Variants in MSRA observed in about 807,000 individuals in gnomAD.
MSRA encodes mitochondrial peptide methionine sulfoxide reductase.
In MSRA, 54 loss-of-function variants were observed where a neutral mutation model predicts 31.3. The observed-to-expected ratio is 1.73, with a 90% CI of 1.39 to 2.17. The LOEUF is 2.17. Ranked by LOEUF, MSRA falls within the 30% of genes most tolerant of loss-of-function variation. The pLI is 0.00. For synonymous variants in MSRA, 169 were observed against 116.5 expected (o/e 1.45, Z -2.90); for missense variants, 507 against 300.9 (o/e 1.69, Z -5.07).
rs566641393 is a variant in MSRA at position 10,288,394 on chromosome 8, A to G, written c.332-13140A>G. 9.8e-5 allele frequency among the ~76,000 whole-genome samples: 15 copies of G among 152,350 alleles called. No individual in the cohort carries two copies. The South Asian group carries it at 2.9e-3, about 29-fold the overall frequency. On this transcript the variant is annotated intron_variant, in intron 3 of 5. Coordinates refer to ENST00000317173, the MANE Select transcript of MSRA (RefSeq NM_012331.5). ...GTGACACCACCCTTATTGAGAAATCATAATTTATAGAATCAGGTGGTTTGG... is the reference window on the plus strand; with the variant it reads ...GTGACACCACCCTTATTGAGAAATCGTAATTTATAGAATCAGGTGGTTTGG...
chr8:10,227,708 T>C (rs1811117813), intron 2 of MSRA, among the ~76,000 whole-genome samples: 1 of 152,170 alleles, frequency 6.6e-6, no homozygotes, highest in African/African-American at 2.4e-5. Context: ...AAAGAAAAAT[T>C]AATCAAATTA....
chr8:10,335,143 A>G (rs1392031927), intron 5 of MSRA, among the ~76,000 whole-genome samples: 1 of 151,972 alleles, frequency 6.6e-6, no homozygotes, highest in African/African-American at 2.4e-5. Flanking sequence ...GGTCAGGGTC[A>G]ATGTCATCAG....
At chr8:10,172,306 G>T (rs1805661380) in intron 1 of MSRA, among the ~76,000 whole-genome samples, 1 of 152,162 alleles carries the variant, frequency 6.6e-6, no homozygotes, top group Non-Finnish European at 1.5e-5. Flanking sequence ...GGAGGCCTTG[G>T]GAGGTGCTGA....
At chr8:10,276,037 C>G (rs1438080002) in intron 3 of MSRA, among the ~76,000 whole-genome samples, 2 of 152,228 alleles carry the variant, frequency 1.3e-5, no homozygotes, top group African/African-American at 2.4e-5. Flanking sequence ...TGTTTACACA[C>G]TGGTGCCTGG....
At chr8:10,260,754 C>CGT (rs374771094) in intron 3 of MSRA, among the ~76,000 whole-genome samples, 11 of 151,852 alleles carry the variant, frequency 7.2e-5, no homozygotes, top group Non-Finnish European at 1.2e-4. Context: ...ACATTGTGTG[C>CGT]GTGTGTGTGT....
chr8:10,110,952 T>C (rs965488533), intron 1 of MSRA, among the ~76,000 whole-genome samples: 1 of 152,160 alleles, frequency 6.6e-6, no homozygotes, highest in Non-Finnish European at 1.5e-5. Flanking sequence ...GCAATTTCTT[T>C]ATTGTGGAGT....
At chr8:10,215,531 TG>T (rs1174262188) in intron 2 of MSRA, among the ~76,000 whole-genome samples, 3 of 152,164 alleles carry the variant, frequency 2.0e-5, no homozygotes, top group African/African-American at 7.2e-5. Flanking sequence ...CTAGGCTCTA[TG>T]GGATCCATCA....
chr8:10,406,653 C>A (rs887713236), intron 5 of MSRA, among the ~76,000 whole-genome samples: 1 of 152,328 alleles, frequency 6.6e-6, no homozygotes, highest in East Asian at 1.9e-4. Context: ...ATAAGTTAAA[C>A]GGACAACCTA....
chr8:10,334,806 A>T (rs1390589475), intron 5 of MSRA, among the ~76,000 whole-genome samples: 1 of 152,206 alleles, frequency 6.6e-6, no homozygotes, highest in Non-Finnish European at 1.5e-5. Context: ...TTACTTCAAA[A>T]TGTGCCTTAC....
At chr8:10,425,176 C>G (rs546586487) in intron 5 of MSRA, among the ~76,000 whole-genome samples, 1 of 152,282 alleles carries the variant, frequency 6.6e-6, no homozygotes, top group South Asian at 2.1e-4. Flanking sequence ...GGAAGGACAA[C>G]CGAAGCCTGC....
intron 5 of MSRA, among the ~76,000 whole-genome samples, chr8:10,418,872 C>G (rs931758118): frequency 2.2e-5 from 3 of 133,724 alleles, no homozygotes; most frequent in African/African-American, 8.4e-5. Context: ...CAGGGAGAAC[C>G]ACTTGAGCCT....
At chr8:10,416,915 A>T (rs1563457319) in intron 5 of MSRA, among the ~76,000 whole-genome samples, 1 of 152,210 alleles carries the variant, frequency 6.6e-6, no homozygotes, top group Non-Finnish European at 1.5e-5. Flanking sequence ...GTCGTTCTGC[A>T]TTGCAAACCA....
At chr8:10,189,764 C>T (rs1290461497) in intron 1 of MSRA, among the ~76,000 whole-genome samples, 3 of 152,046 alleles carry the variant, frequency 2.0e-5, no homozygotes, top group Non-Finnish European at 4.4e-5. Context: ...ATTCTGTGTT[C>T]ATAAAGGGGA....
chr8:10,319,804 G>GC, intron 4 of MSRA, 79 bp from the exon 5 acceptor site: 1 of 746,952 alleles, frequency 1.3e-6, no homozygotes, highest in Non-Finnish European at 2.0e-6. Context: ...GTGTCAAAAT[G>GC]TCTCAGCATT....
In MSRA at chr8:10,317,972, C is replaced by G. The variant is rs143945062; in HGVS notation, c.437-1911C>G. Among the ~76,000 whole-genome samples, 136 of 152,296 alleles carry G rather than the reference C, an allele frequency of 8.9e-4. 4 individuals are homozygous for G. The Middle Eastern group carries it at 0.024, about 27-fold the overall frequency. ...CCCAACCCACCAGCTTCAGGACCCA[C>G]CAGGCCCCTTGTCAGACCTTGTCCT... On this transcript the variant is annotated intron_variant, in intron 4 of 5. Coordinates refer to ENST00000317173, the MANE Select transcript of MSRA (RefSeq NM_012331.5).
intron 1 of MSRA, among the ~76,000 whole-genome samples, chr8:10,205,643 G>C (rs1808893664): frequency 1.3e-5 from 2 of 152,108 alleles, no homozygotes; most frequent in South Asian, 2.1e-4. Flanking sequence ...TCATTTGTTT[G>C]AATTCAAACA....
At chr8:10,297,930 T>C (rs1242359554) in intron 3 of MSRA, among the ~76,000 whole-genome samples, 2 of 152,218 alleles carry the variant, frequency 1.3e-5, no homozygotes, top group Non-Finnish European at 2.9e-5. Flanking sequence ...CTGTGATTTC[T>C]TATCTGGGCT....
chr8:10,408,112 A>C (rs12679662), intron 5 of MSRA, among the ~76,000 whole-genome samples: 4 of 152,040 alleles, frequency 2.6e-5, no homozygotes, highest in African/African-American at 9.7e-5. Flanking sequence ...CACAGACAGA[A>C]CTGGCTCACT....
At chr8:10,086,033 T>C (rs954108143) in intron 1 of MSRA, among the ~76,000 whole-genome samples, 12 of 152,182 alleles carry the variant, frequency 7.9e-5, no homozygotes, top group African/African-American at 2.9e-4. Context: ...TACAGGTCTT[T>C]TTGTGAGCCC....
Sources: gnomAD v4.1 joint callset for allele counts (sites outside exome capture counted in the v4.1 genomes callset) on GRCh38, gnomAD v4.1.1 for gene constraint, MANE v1.5 for transcripts, NCBI Gene and HGNC (gene_info 2026-07-23, HGNC 2026-07-21) for gene names.